DOCK3: variants seen among roughly 807,000 people sequenced by gnomAD.
DOCK3 encodes the protein dedicator of cytokinesis 3.
A neutral mutation model predicts 265.6 loss-of-function variants in DOCK3; 60 were observed. That is an observed-to-expected ratio of 0.23 (90% CI 0.18 to 0.28). The LOEUF is 0.28. Ranked by LOEUF, DOCK3 falls within the 10% of genes least tolerant of loss-of-function variation. The probability of loss-of-function intolerance (pLI) is 1.00; values close to 1 mark genes in which losing one functional copy is unlikely to be tolerated. For synonymous variants in DOCK3, 881 were observed against 938.0 expected, an observed-to-expected ratio of 0.94 and a Z score of 1.11; for missense variants, 1,981 against 2,594.3, an observed-to-expected ratio of 0.76 and a Z score of 5.14.
chr3:51,147,456 A>G (rs1429808861), intron 10 of DOCK3, among the ~76,000 whole-genome samples: 1 of 152,052 alleles, frequency 6.6e-6, no homozygotes, highest in Non-Finnish European at 1.5e-5. Context: ...CTCGTGATTT[A>G]CATTAAGTAT....
At chr3:50,710,601 A>G (rs2036696949) in intron 1 of DOCK3, among the ~76,000 whole-genome samples, 1 of 152,242 alleles carries the variant, frequency 6.6e-6, no homozygotes, top group Admixed American at 6.5e-5. Context: ...AACAGAATGG[A>G]GATTCCTTAA....
At chr3:51,251,995 GT>G (rs2079272412) in intron 22 of DOCK3, among the ~76,000 whole-genome samples, 1 of 152,156 alleles carries the variant, frequency 6.6e-6, no homozygotes, top group Non-Finnish European at 1.5e-5. Context: ...ATGGTTTTAG[GT>G]CTAACATTTA....
At position 51,360,463 on chromosome 3, in the gene DOCK3, A is replaced by G. The variant is rs903013336; in HGVS notation, c.4885-48A>G. On this transcript the variant is annotated intron_variant, in intron 46 of 52. Transcript: ENST00000266037. ...AGTTATTCCCTCACATCCCTTAGTTACTTATTTATTCTTTACTCTCTATGA... is the reference window on the plus strand; with the variant it reads ...AGTTATTCCCTCACATCCCTTAGTTGCTTATTTATTCTTTACTCTCTATGA... 19 of 1,573,436 alleles carry G rather than the reference A, an allele frequency of 1.2e-5. No homozygotes were observed. In the African/African-American group the frequency reaches 2.0e-4, roughly 17 times the overall value.
rs574851305 is a variant in DOCK3 at position 50,936,670 on chromosome 3, AAAAC to A, written c.315+2597_315+2600del. Among the ~76,000 whole-genome samples the A allele has an allele frequency of 2.0e-3, 306 of 152,342 alleles. 3 individuals carry two copies. Among genetic ancestry groups the A allele is most frequent in the African/African-American group, 6.7e-3 (280 of 41,574 alleles). ...ATCATTTTTCAACTGCTTAAAGAAA[AAAAC>A]AAAACAGATTACCCTGAATTGTGTA... On this transcript the variant is annotated intron_variant, in intron 5 of 52. Coordinates refer to ENST00000266037, the MANE Select transcript of DOCK3 (RefSeq NM_004947.5).
intron 3 of DOCK3, among the ~76,000 whole-genome samples, chr3:50,859,874 A>G (rs926947742): frequency 6.6e-5 from 10 of 152,090 alleles, no homozygotes; most frequent in Non-Finnish European, 1.3e-4. Context: ...ATGCTGTGGA[A>G]GTGTGGGTTT....
At chr3:51,336,609 C>T (rs908845898) in intron 35 of DOCK3, among the ~76,000 whole-genome samples, 11 of 152,138 alleles carry the variant, frequency 7.2e-5, no homozygotes, top group Admixed American at 7.2e-4. Context: ...GCAACAGCTG[C>T]ACCTAAGTCA....
intron 12 of DOCK3, among the ~76,000 whole-genome samples, chr3:51,191,820 T>C (rs959613550): frequency 1.3e-5 from 2 of 151,912 alleles, no homozygotes; most frequent in African/African-American, 4.8e-5. Context: ...CTTTGCCCAC[T>C]TTTATGGGAT....
intron 12 of DOCK3, among the ~76,000 whole-genome samples, chr3:51,166,900 C>G (rs978381161): frequency 6.6e-6 from 1 of 152,164 alleles, no homozygotes; most frequent in Admixed American, 6.5e-5. Context: ...AATATTTCTT[C>G]TCATTCCATA....
chr3:50,829,163 A>G (rs2044973589), intron 2 of DOCK3, among the ~76,000 whole-genome samples: 2 of 152,154 alleles, frequency 1.3e-5, no homozygotes, highest in Admixed American at 1.3e-4. Context: ...GTTTCTGCTT[A>G]TATGAATCTC....
intron 4 of DOCK3, among the ~76,000 whole-genome samples, chr3:50,915,349 G>T (rs1031834916): frequency 6.6e-6 from 1 of 152,040 alleles, no homozygotes; most frequent in Non-Finnish European, 1.5e-5. Context: ...ACCTGCCCCT[G>T]TAGAATGGTG....
chr3:50,979,112 C>A (rs187676046), intron 5 of DOCK3, among the ~76,000 whole-genome samples: 1 of 152,176 alleles, frequency 6.6e-6, no homozygotes, highest in Non-Finnish European at 1.5e-5. Flanking sequence ...TCTTCTGCGC[C>A]GCTCACGCTG....
chr3:50,693,364 G>A (rs1046366500), intron 1 of DOCK3, among the ~76,000 whole-genome samples: 1 of 151,922 alleles, frequency 6.6e-6, no homozygotes, highest in Non-Finnish European at 1.5e-5. Context: ...AGTTAACATA[G>A]GCTATCTTTA....
intron 7 of DOCK3, among the ~76,000 whole-genome samples, chr3:51,075,699 T>G (rs1393381174): frequency 3.3e-5 from 5 of 152,204 alleles, no homozygotes. Flanking sequence ...CAGAGCTCCT[T>G]CAGCCTGCAG....
chr3:51,267,463 C>T (rs1323562218), intron 23 of DOCK3, among the ~76,000 whole-genome samples: 7 of 150,882 alleles, frequency 4.6e-5, no homozygotes, highest in East Asian at 1.9e-4. Context: ...CAGCTCACTG[C>T]GACCTCCACC....
intron 1 of DOCK3, among the ~76,000 whole-genome samples, chr3:50,698,120 A>T (rs895249675): frequency 1.3e-5 from 2 of 152,110 alleles, no homozygotes; most frequent in Admixed American, 6.6e-5. Context: ...CCAGTATCTA[A>T]TTCCAGAACA....
At chr3:50,778,808 T>C (rs1441184298) in intron 2 of DOCK3, 50 bp downstream of exon 2, 4 of 1,265,662 alleles carry the variant, frequency 3.2e-6, no homozygotes, top group Non-Finnish European at 4.5e-6. Context: ...TTTGGCAGTA[T>C]TATATACATT....
At chr3:50,948,144 C>T (rs996902984) in intron 5 of DOCK3, among the ~76,000 whole-genome samples, 4 of 150,332 alleles carry the variant, frequency 2.7e-5, no homozygotes, top group African/African-American at 4.9e-5. Context: ...GCAAGCTCCA[C>T]CTCCTGGGTT....
At chr3:50,679,601 A>G (rs1428685792) in intron 1 of DOCK3, among the ~76,000 whole-genome samples, 2 of 152,196 alleles carry the variant, frequency 1.3e-5, no homozygotes, top group African/African-American at 2.4e-5. Context: ...GAGGAAATAG[A>G]TCCTTGAAAC....
At position 51,381,024 on chromosome 3, in the gene DOCK3, T is replaced by G; in HGVS notation, c.5584-26T>G. ...TCAGCCTGTCTGGAGAGAGGGATTC[T>G]AACATGCCCACCCTTTCCTTCGCAG... On this transcript the variant is annotated intron_variant, in intron 52 of 52. Coordinates refer to ENST00000266037, the MANE Select transcript of DOCK3 (RefSeq NM_004947.5). The surrounding 1 kb of genome is among the most constrained non-coding windows in gnomAD (Gnocchi z 5.6). 3 of 1,556,334 alleles carry G rather than the reference T, an allele frequency of 1.9e-6. No individual in the cohort carries two copies. Among genetic ancestry groups the G allele is most frequent in the Non-Finnish European group, 2.6e-6 (3 of 1,150,044 alleles).
Sources: allele counts gnomAD v4.1 joint callset (sites outside exome capture counted in the v4.1 genomes callset), GRCh38; gene constraint gnomAD v4.1.1; non-coding constraint Gnocchi (gnomAD v3.1); transcripts MANE v1.5; gene names NCBI Gene and HGNC (gene_info 2026-07-23, HGNC 2026-07-21).